Variants in PTPRG observed in about 807,000 individuals in gnomAD.
PTPRG encodes the protein receptor-type tyrosine-protein phosphatase gamma.
In PTPRG, 102 loss-of-function variants were observed where a neutral mutation model predicts 165.3. The observed-to-expected ratio is 0.62, with a 90% CI of 0.53 to 0.73. PTPRG has a LOEUF of 0.73. Among genes scored for constraint, PTPRG ranks in the 30% least tolerant of loss-of-function variants. The pLI, the probability that PTPRG is intolerant of heterozygous loss-of-function variation, is 0.00. For missense variants in PTPRG, 1,866 were observed against 1,861.4 expected, an observed-to-expected ratio of 1.00 and a Z score of -0.05; for synonymous variants, 675 against 669.5, an observed-to-expected ratio of 1.01 and a Z score of -0.13.
chr3:61,672,442 G>C (rs1373501955), intron 1 of PTPRG, among the ~76,000 whole-genome samples: 2 of 137,340 alleles, frequency 1.5e-5, no homozygotes, highest in African/African-American at 2.7e-5. Flanking sequence ...TGAGCACTGA[G>C]TGAATGAGAC....
In PTPRG at chr3:62,281,537, G is replaced by GTTTTTTTTTTTTTTTTTTTTTTTTT. The variant is rs778994257; in HGVS notation, c.3766-26_3766-25insTTTTTTTTTTTTTTTTTTTTTTTTT. 20 of 174,970 alleles carry GTTTTTTTTTTTTTTTTTTTTTTTTT rather than the reference G, an allele frequency of 1.1e-4. 2 individuals are homozygous for GTTTTTTTTTTTTTTTTTTTTTTTTT. The highest frequency in any genetic ancestry group is 2.6e-4 in the South Asian group (4 of 15,192). 10.8% of individuals were successfully genotyped at this position (174,970 alleles called of 1,614,324 possible). Reference sequence around the variant, plus strand: ...ACAAATCCTTGACAGAACTGCAGAGGCTTTTTTTTTTTTTGGATTCCAAAG... The same window carrying GTTTTTTTTTTTTTTTTTTTTTTTTT: ...ACAAATCCTTGACAGAACTGCAGAGGTTTTTTTTTTTTTTTTTTTTTTTTTCTTTTTTTTTTTTTGGATTCCAAAG... On this transcript the variant is annotated intron_variant, in intron 26 of 29. Transcript: ENST00000474889.
intron 28 of PTPRG, among the ~76,000 whole-genome samples, chr3:62,292,002 A>G (rs1243619324): frequency 1.3e-5 from 2 of 152,092 alleles, no homozygotes; most frequent in African/African-American, 4.8e-5. Flanking sequence ...TGTAAGTTCA[A>G]TTTAACTGTT....
chr3:62,019,868 A>G (rs1325655815), intron 4 of PTPRG, among the ~76,000 whole-genome samples: 1 of 152,232 alleles, frequency 6.6e-6, no homozygotes, highest in Non-Finnish European at 1.5e-5. Flanking sequence ...AGAGTACTTA[A>G]CATGCATTGT....
chr3:62,069,742 A>G (rs1343348442), intron 4 of PTPRG, among the ~76,000 whole-genome samples: 2 of 151,700 alleles, frequency 1.3e-5, no homozygotes, highest in South Asian at 2.1e-4. Context: ...ACTCCGGCCT[A>G]TAATTCATGA....
intron 5 of PTPRG, among the ~76,000 whole-genome samples, chr3:62,122,186 C>T (rs753659735): frequency 1.2e-4 from 18 of 152,260 alleles, no homozygotes; most frequent in Non-Finnish European, 2.1e-4. Flanking sequence ...TCAAATGCTC[C>T]GACAGCTTTA....
intron 2 of PTPRG, among the ~76,000 whole-genome samples, chr3:61,841,125 A>G (rs1207591955): frequency 6.6e-6 from 1 of 152,194 alleles, no homozygotes; most frequent in Non-Finnish European, 1.5e-5. Context: ...TCCACTGATT[A>G]TCTTACCAAC....
At position 61,823,105 on chromosome 3, in the gene PTPRG, A is replaced by G. The variant is rs143477617; in HGVS notation, c.190+74123A>G. Among the ~76,000 whole-genome samples the G allele has an allele frequency of 3.3e-5, 5 of 152,308 alleles. No individual in the cohort carries two copies. The East Asian group carries it at 7.7e-4, about 23-fold the overall frequency. On this transcript the variant is annotated intron_variant, in intron 2 of 29. Transcript: ENST00000474889. Reference sequence around the variant, plus strand: ...TATTTTTTACCATCTACTCCATCCCATCATGCGTAGTTTGCATTTGCAAGT... The same window carrying G: ...TATTTTTTACCATCTACTCCATCCCGTCATGCGTAGTTTGCATTTGCAAGT...
intron 4 of PTPRG, among the ~76,000 whole-genome samples, chr3:62,062,333 C>T (rs1042410770): frequency 3.9e-5 from 6 of 151,992 alleles, no homozygotes; most frequent in Non-Finnish European, 8.8e-5. Flanking sequence ...GAATGGATAG[C>T]AGGATGAACT....
chr3:62,151,953 CACTT>C (rs1704352567), intron 6 of PTPRG, among the ~76,000 whole-genome samples: 1 of 152,144 alleles, frequency 6.6e-6, no homozygotes, highest in African/African-American at 2.4e-5. Flanking sequence ...GATGAGGAAA[CACTT>C]ACACAAAGGT....
intron 28 of PTPRG, among the ~76,000 whole-genome samples, chr3:62,285,799 C>G (rs1037400725): frequency 1.3e-5 from 2 of 152,102 alleles, no homozygotes; most frequent in African/African-American, 4.8e-5. Flanking sequence ...TATAAGACAG[C>G]TGTAGATCAG....
chr3:62,040,258 A>C (rs968719473), intron 4 of PTPRG, among the ~76,000 whole-genome samples: 2 of 152,240 alleles, frequency 1.3e-5, no homozygotes, highest in East Asian at 3.8e-4. Flanking sequence ...ATTTCTGCCC[A>C]AATATCAGTT....
chr3:61,784,275 G>T (rs1441545065), intron 2 of PTPRG, among the ~76,000 whole-genome samples: 1 of 152,200 alleles, frequency 6.6e-6, no homozygotes, highest in East Asian at 1.9e-4. Flanking sequence ...TGGCAGTGGG[G>T]TTGGGGGACG....
chr3:61,755,300 G>A (rs1292924732), intron 2 of PTPRG, among the ~76,000 whole-genome samples: 2 of 152,064 alleles, frequency 1.3e-5, no homozygotes, highest in African/African-American at 4.8e-5. Flanking sequence ...GAGCCACTGC[G>A]CCCAGCCCTA....
intron 2 of PTPRG, among the ~76,000 whole-genome samples, chr3:61,806,707 G>A (rs915596521): frequency 7.2e-5 from 11 of 152,212 alleles, no homozygotes; most frequent in African/African-American, 2.7e-4. Context: ...TGGGCCCATG[G>A]CTGAATTACA....
At chr3:61,865,255 C>G (rs1324161046) in intron 2 of PTPRG, among the ~76,000 whole-genome samples, 1 of 152,110 alleles carries the variant, frequency 6.6e-6, no homozygotes, top group Non-Finnish European at 1.5e-5. Flanking sequence ...CCACCCATGC[C>G]AAACCCCCAC....
chr3:62,036,931 C>T (rs1236081986), intron 4 of PTPRG, among the ~76,000 whole-genome samples: 2 of 152,086 alleles, frequency 1.3e-5, no homozygotes, highest in Non-Finnish European at 2.9e-5. Flanking sequence ...AACTCAGGCT[C>T]GTTTGCCACC....
chr3:62,129,315 T>C (rs990579772), intron 5 of PTPRG, among the ~76,000 whole-genome samples: 2 of 151,998 alleles, frequency 1.3e-5, no homozygotes, highest in African/African-American at 4.8e-5. Flanking sequence ...TTAGAAACAC[T>C]TTCTTTGAGC....
intron 2 of PTPRG, among the ~76,000 whole-genome samples, chr3:61,814,515 A>G (rs567322277): frequency 6.6e-6 from 1 of 151,774 alleles, no homozygotes; most frequent in Admixed American, 6.6e-5. Flanking sequence ...GTAGCCCCGT[A>G]TGTTTTCTGC....
intron 2 of PTPRG, among the ~76,000 whole-genome samples, chr3:61,910,203 C>A (rs1281756374): frequency 6.6e-6 from 1 of 152,150 alleles, no homozygotes; most frequent in East Asian, 1.9e-4. Context: ...GTGTATTGAT[C>A]CATCCCATTC....
Sources: gnomAD v4.1 joint callset for allele counts (sites outside exome capture counted in the v4.1 genomes callset) on GRCh38, gnomAD v4.1.1 for gene constraint, MANE v1.5 for transcripts, NCBI Gene and HGNC (gene_info 2026-07-23, HGNC 2026-07-21) for gene names.